The following ECPAS variants were observed in gnomAD, a reference collection of about 807,000 sequenced individuals.
ECPAS encodes the protein proteasome adapter and scaffold protein ECM29.
In ECPAS, 70 loss-of-function variants were observed where a neutral mutation model predicts 255.1. The observed-to-expected ratio is 0.27, with a 90% CI of 0.23 to 0.33. The LOEUF (loss-of-function observed/expected upper bound fraction) is 0.33. ECPAS is among the 10% of genes least tolerant of loss of function. ECPAS has a pLI of 1.00. For missense variants in ECPAS, 1,817 were observed against 2,206.4 expected (o/e 0.82, Z 3.54); for synonymous variants, 784 against 775.0 (o/e 1.01, Z -0.19).
chr9:111,410,909 G>A (rs1423153035), intron 22 of ECPAS, 71 bp downstream of exon 22: 1 of 1,430,882 alleles, frequency 7.0e-7, no homozygotes, highest in East Asian at 2.3e-5. Context: ...AAAAGAAACT[G>A]AAACGCCATA....
At chr9:111,396,453 A>G (rs970705017) in intron 25 of ECPAS, among the ~76,000 whole-genome samples, 1 of 152,198 alleles carries the variant, frequency 6.6e-6, no homozygotes, top group African/African-American at 2.4e-5. Context: ...AAATACATAA[A>G]TCCTCGTGAA....
chr9:111,459,699 G>T (rs1377480629), intron 2 of ECPAS, among the ~76,000 whole-genome samples: 1 of 151,958 alleles, frequency 6.6e-6, no homozygotes, highest in Non-Finnish European at 1.5e-5. Context: ...TGATTTTAAG[G>T]GGCTTTTTTA....
Position 111,422,015 on chromosome 9 carries a change from T to G in ECPAS, c.1361A>C (p.Gln454Pro). The change falls in exon 15 of 50, where the codon CAA becomes CCA. Residue 454 changes from glutamine (Q) to proline (P), a missense_variant. Coordinates refer to ENST00000684092, the MANE Select transcript of ECPAS (RefSeq NM_001364929.1). ...TCCAACCATCATAGATAAAGCTTCT[T>G]GAATAGCAAGTCGAGTCTCAGGCTC... The part of the protein sequence containing the change: ...KEEPETRLAI[Q>P]EALSMMVGAY... 1 of 1,613,794 alleles carries G rather than the reference T, an allele frequency of 6.2e-7. No individual in the cohort carries two copies. The highest frequency in any genetic ancestry group is 8.5e-7 in the Non-Finnish European group (1 of 1,179,788).
intron 25 of ECPAS, among the ~76,000 whole-genome samples, chr9:111,396,186 T>C (rs965019920): frequency 6.6e-6 from 1 of 152,242 alleles, no homozygotes; most frequent in African/African-American, 2.4e-5. Context: ...CTTTTCCTTC[T>C]GTTTAAATTT....
chr9:111,461,072 C>T (rs1226328279), intron 2 of ECPAS, among the ~76,000 whole-genome samples: 1 of 152,000 alleles, frequency 6.6e-6, no homozygotes, highest in African/African-American at 2.4e-5. Flanking sequence ...AAAGTTGATT[C>T]TTTCTATAAT....
Position 111,414,541 on chromosome 9 carries a change from C to G in ECPAS, c.1875G>C (p.Arg625=), listed in dbSNP as rs752107912. Residue 625 remains arginine, a synonymous_variant, in exon 19 of 50, where the codon CGG becomes CGC. Transcript: ENST00000684092. ...CCATCTGCCCGCTTGACATTAAAGT[C>G]CGTATGTAGCGCCCAATGGCTGGGG... ...DHAPAIGRYI[R]TLMSSGQMAP... 7.4e-6 allele frequency: 12 copies of G among 1,613,882 alleles called. No individual in the cohort carries two copies. Among genetic ancestry groups the G allele is most frequent in the Non-Finnish European group, 9.3e-6 (11 of 1,179,892 alleles).
chr9:111,431,062 T>C (rs1408522248), intron 8 of ECPAS, among the ~76,000 whole-genome samples: 2 of 152,066 alleles, frequency 1.3e-5, no homozygotes, highest in East Asian at 3.8e-4. Flanking sequence ...GACAAAAAAA[T>C]TTTTACCCAT....
intron 41 of ECPAS, 126 bp from the exon 42 acceptor site, chr9:111,372,746 G>T: frequency 2.5e-6 from 2 of 801,742 alleles, no homozygotes; most frequent in Non-Finnish European, 3.8e-6. Context: ...AATGTTTCTA[G>T]CAGGCTGGGT....
chr9:111,394,173 TG>T lies in ECPAS; in HGVS notation c.2908del (p.His970ThrfsTer4). The T allele has an allele frequency of 6.2e-7, 1 of 1,607,184 alleles. No individual in the cohort carries two copies. The highest frequency in any genetic ancestry group is 1.1e-5 in the South Asian group (1 of 89,708). On this transcript the variant is annotated frameshift_variant, in exon 26 of 50. Coordinates refer to ENST00000684092, the MANE Select transcript of ECPAS (RefSeq NM_001364929.1). LOFTEE classifies it high-confidence loss of function. ...AGCATGGCTCACCTTCACTTCTTTGTGGGTACTTAGCTTCCTGACAAGGGAA... is the reference window on the plus strand; with the variant it reads ...AGCATGGCTCACCTTCACTTCTTTGTGGTACTTAGCTTCCTGACAAGGGAA... ...LLSLVRKLSTHKEVKSHLKEI... is the reference protein window; with the variant it reads ...LLSLVRKLSTXKEVKSHLKEI...
Position 111,421,945 on chromosome 9 carries a change from T to C in ECPAS, c.1431A>G (p.Ala477=), listed in dbSNP as rs556565260. ...CCTTTATTAAGTACGAAGCCACAAG[T>C]GCCTCCATGAGAGTTCGCTGTGCCC... The part of the protein sequence containing the change: ...LEGAQRTLME[A]LVASYLIKPE... Residue 477 remains alanine (A), a synonymous_variant, in exon 15 of 50, where the codon GCA becomes GCG. Coordinates refer to ENST00000684092, the MANE Select transcript of ECPAS (RefSeq NM_001364929.1). The C allele has an allele frequency of 2.5e-5, 41 of 1,613,562 alleles. No homozygotes were observed. Among genetic ancestry groups the C allele is most frequent in the Middle Eastern group, 1.6e-4 (1 of 6,062 alleles).
At chr9:111,457,262 T>C (rs1029875107) in intron 2 of ECPAS, among the ~76,000 whole-genome samples, 1 of 152,214 alleles carries the variant, frequency 6.6e-6, no homozygotes, top group African/African-American at 2.4e-5. Context: ...GACAACTCTT[T>C]AGAAACTTTT....
intron 20 of ECPAS, 147 bp downstream of exon 20, chr9:111,413,748 T>C (rs1025829627): frequency 1.8e-5 from 8 of 454,200 alleles, no homozygotes; most frequent in Non-Finnish European, 3.1e-5. Flanking sequence ...CCTACATGCT[T>C]CCCAGTAAGT....
intron 43 of ECPAS, among the ~76,000 whole-genome samples, chr9:111,371,352 T>C (rs2282181): frequency 0.056 from 8,477 of 152,188 alleles, 571 homozygotes; most frequent in African/African-American, 0.15. Flanking sequence ...TGCTGACAAG[T>C]TGGTTTAAGA....
At chr9:111,376,261 A>T (rs959625124) in intron 37 of ECPAS, among the ~76,000 whole-genome samples, 4 of 152,208 alleles carry the variant, frequency 2.6e-5, no homozygotes, top group Admixed American at 1.3e-4. Context: ...CTTGTAATAC[A>T]AATTTGGACC....
intron 25 of ECPAS, among the ~76,000 whole-genome samples, chr9:111,395,440 C>T (rs1362327587): frequency 3.9e-5 from 6 of 152,144 alleles, no homozygotes; most frequent in East Asian, 1.9e-4. Context: ...TCAAAATTCA[C>T]GTCAGAGATT....
At position 111,403,191 on chromosome 9, in the gene ECPAS, G is replaced by GA. The variant is rs34002065; in HGVS notation, c.2652+5379dup. 8.3e-3 allele frequency among the ~76,000 whole-genome samples: 1,009 copies of GA among 120,844 alleles called. 11 individuals carry two copies. Among genetic ancestry groups the GA allele is most frequent in the Middle Eastern group, 0.021 (5 of 234 alleles). 79.3% of individuals were successfully genotyped at this position (120,844 alleles called of 152,430 possible). A position where few individuals can be genotyped will look rare whatever the true frequency, so the allele number is the denominator to read the frequency against. ...AACATGGCAAAACCCCATCTCTACT[G>GA]AAAAAAAAAAAAAAAAAAATTAGCT... On this transcript the variant is annotated intron_variant, in intron 24 of 49. Coordinates refer to ENST00000684092, the MANE Select transcript of ECPAS (RefSeq NM_001364929.1).
At chr9:111,373,112 T>G (rs1001501044) in intron 41 of ECPAS, 58 bp downstream of exon 41, 7 of 1,311,760 alleles carry the variant, frequency 5.3e-6, no homozygotes, top group Non-Finnish European at 7.7e-6. Context: ...TTTGTACTGT[T>G]TTACTGGGCT....
chr9:111,380,795 G>A (rs1160968030), intron 35 of ECPAS, among the ~76,000 whole-genome samples: 2 of 152,194 alleles, frequency 1.3e-5, no homozygotes, highest in Non-Finnish European at 2.9e-5. Context: ...TTTATGTTAT[G>A]AAGACAGCTT....
chr9:111,378,166 T>TAAAAATA (rs1262400838), intron 36 of ECPAS, among the ~76,000 whole-genome samples: 1 of 151,264 alleles, frequency 6.6e-6, no homozygotes, highest in African/African-American at 2.4e-5. Context: ...AAAATAAAAA[T>TAAAAATA]AAAAATAAAA....
Sources: gnomAD v4.1 joint callset for allele counts (sites outside exome capture counted in the v4.1 genomes callset) on GRCh38, gnomAD v4.1.1 for gene constraint, MANE v1.5 for transcripts, NCBI Gene and HGNC (gene_info 2026-07-23, HGNC 2026-07-21) for gene names.